Variants in ZNF263 observed in about 807,000 individuals in gnomAD.
ZNF263 encodes zinc finger protein FPM315.
ZNF263 carries 49 observed loss-of-function variants against 63.1 expected under a neutral mutation model. That is an observed-to-expected ratio of 0.78 (90% CI 0.62 to 0.99). ZNF263 has a LOEUF of 0.99. Among genes scored for constraint, ZNF263 ranks in the 50% least tolerant of loss-of-function variants. ZNF263 has a pLI of 0.00. For synonymous variants in ZNF263, 352 were observed against 324.2 expected (o/e 1.09, Z -0.92); for missense variants, 872 against 854.8 (o/e 1.02, Z -0.25).
chr16:3,287,803 T>G (rs950208334), intron 4 of ZNF263, among the ~76,000 whole-genome samples: 1 of 152,030 alleles, frequency 6.6e-6, no homozygotes, highest in Non-Finnish European at 1.5e-5. Flanking sequence ...CAAATTTAGT[T>G]CTATTTTGTA....
downstream of ZNF263, among the ~76,000 whole-genome samples, chr16:3,292,635 T>C (rs1959641359): frequency 6.6e-6 from 1 of 152,226 alleles, no homozygotes; most frequent in South Asian, 2.1e-4. Context: ...GCCCCTTCCA[T>C]CTACTCTCCC....
At chr16:3,299,834 A>G (rs1959883192) in intron 2 of ZNF263, 1 of 1,591,202 alleles carries the variant, frequency 6.3e-7, no homozygotes, top group Non-Finnish European at 8.5e-7. Context: ...TCTGAAAACA[A>G]TTCTCTGGTG....
intron 1 of ZNF263, among the ~76,000 whole-genome samples, chr16:3,296,524 AAAG>A (rs771615842): frequency 2.6e-5 from 4 of 152,196 alleles, no homozygotes; most frequent in Non-Finnish European, 5.9e-5. Flanking sequence ...AATCTTAAAA[AAAG>A]AAAAAGTCAA....
At position 3,283,792 on chromosome 16, in the gene ZNF263, G is replaced by C; in HGVS notation, c.-27G>C. 3 of 1,513,594 alleles carry C rather than the reference G, an allele frequency of 2.0e-6. No individual in the cohort carries two copies. The highest frequency in any genetic ancestry group is 2.5e-5 in the South Asian group (2 of 78,906). 93.8% of individuals were successfully genotyped at this position (1,513,594 alleles called of 1,614,324 possible). On this transcript the variant is annotated 5_prime_UTR_variant, in exon 1 of 6. Transcript: ENST00000219069. ...TTCGTAGGCGGGCACGGCTGGTTTC[G>C]GGCTAAGGCGCTCTGGAGACCTGAC...
intron 1 of ZNF263, among the ~76,000 whole-genome samples, chr16:3,297,905 C>T (rs1215124739): frequency 6.6e-6 from 1 of 152,112 alleles, no homozygotes; most frequent in Non-Finnish European, 1.5e-5. Context: ...ATAAAGATAC[C>T]ATTCTTTTGG....
In ZNF263 at chr16:3,300,006, C is replaced by G. The variant is rs981546305; in HGVS notation, c.*46+850C>G. On this transcript the variant is annotated intron_variant, in intron 2 of 2. Transcript: ENST00000574674. ...CAGACAACCTTTCTTTGTTTATTTT[C>G]TTCCCTGGTAGGCAGATATCTTTCC... 6.2e-7 allele frequency: 1 copy of G among 1,614,018 alleles called. No homozygotes were observed. Among genetic ancestry groups the G allele is most frequent in the Non-Finnish European group, 8.5e-7 (1 of 1,180,030 alleles).
intron 2 of ZNF263, 103 bp downstream of exon 2, chr16:3,285,342 A>C: frequency 7.6e-7 from 1 of 1,308,322 alleles, no homozygotes; most frequent in Non-Finnish European, 1.0e-6. Flanking sequence ...GGAATTTCTG[A>C]AGATCAGGTT....
At chr16:3,286,873 T>A (rs1260876634) in intron 4 of ZNF263, 2 of 152,188 alleles carry the variant, frequency 1.3e-5, no homozygotes, top group African/African-American at 4.8e-5. Context: ...GTTGGGGAAG[T>A]CTTAACATAA....
downstream of ZNF263, among the ~76,000 whole-genome samples, chr16:3,291,667 C>G (rs1056736326): frequency 6.6e-6 from 1 of 152,172 alleles, no homozygotes; most frequent in Admixed American, 6.5e-5. Context: ...AAGGGTCAAG[C>G]CAAATGGCTG....
intron 4 of ZNF263, among the ~76,000 whole-genome samples, chr16:3,287,197 G>C (rs528922407): frequency 9.2e-5 from 14 of 152,254 alleles, no homozygotes; most frequent in African/African-American, 3.1e-4. Context: ...TGCAACCTCT[G>C]CCTCCCGGGT....
Position 3,290,070 on chromosome 16 carries a change from G to T in ZNF263, c.1564G>T (p.Glu522Ter). 1 of 1,614,078 alleles carries T rather than the reference G, an allele frequency of 6.2e-7. No individual in the cohort carries two copies. The highest frequency in any genetic ancestry group is 8.5e-7 in the Non-Finnish European group (1 of 1,180,010). Residue 522 changes from glutamate (E) to a stop codon, truncating the protein, a stop_gained, in exon 6 of 6, where the codon GAG (glutamate) becomes TAG (stop). Transcript: ENST00000219069. LOFTEE classifies it high-confidence loss of function. ...TGGAGAGCGACCTTATAAGTGTCCC[G>T]AGTGTGGGAAAAGTTTCTCTCGGAG... ...HTGERPYKCP[E>*]CGKSFSRSSH...
chr16:3,287,235 A>G (rs765991), intron 4 of ZNF263, among the ~76,000 whole-genome samples: 49,358 of 151,804 alleles, frequency 0.33, 9,585 homozygotes, highest in African/African-American at 0.52. Context: ...CTCAGCCTCC[A>G]GAGTAGCTGG....
At chr16:3,295,465 C>G (rs1303415120), downstream of ZNF263, among the ~76,000 whole-genome samples, 1 of 152,230 alleles carries the variant, frequency 6.6e-6, no homozygotes, top group Admixed American at 6.5e-5. Flanking sequence ...CGCACAGCCG[C>G]AGGGGTTTCC....
chr16:3,297,696 C>T (rs2150778041), intron 1 of ZNF263, among the ~76,000 whole-genome samples: 1 of 151,952 alleles, frequency 6.6e-6, no homozygotes, highest in South Asian at 2.1e-4. Context: ...GATCTCCTGA[C>T]CTCGTGATCT....
rs1444385478 is a variant in ZNF263, at chr16:3,286,186, T to C, written c.769+37T>C. 4 of 1,556,160 alleles carry C rather than the reference T, an allele frequency of 2.6e-6. No homozygotes were observed. In the African/African-American group the frequency reaches 4.2e-5, roughly 16 times the overall value. ...TTTTCCAGGGATGATGACTGCGCCA[T>C]TTCTGACCAGGGTCCTGCCCGTTAT... On this transcript the variant is annotated intron_variant, in intron 4 of 5. Coordinates refer to ENST00000219069, the MANE Select transcript of ZNF263 (RefSeq NM_005741.5).
chr16:3,298,931 A>G, intron 1 of ZNF263: 1 of 946,424 alleles, frequency 1.1e-6, no homozygotes, highest in South Asian at 4.1e-5. Context: ...GCTGGCCTAC[A>G]TCATATAATG....
downstream of ZNF263, chr16:3,291,511 C>G: frequency 1.0e-6 from 1 of 984,606 alleles, no homozygotes; most frequent in Non-Finnish European, 1.2e-6. Context: ...GAGTGTTGAT[C>G]TGTCTCCCCT....
chr16:3,284,179 A>T lies in ZNF263; in HGVS notation c.361A>T (p.Arg121Ter), dbSNP rs772606679. Residue 121 changes from arginine (R) to a stop codon, truncating the protein, a stop_gained, in exon 1 of 6, where the codon AGA becomes TGA. Transcript: ENST00000219069. LOFTEE classifies it high-confidence loss of function. ...EAVTLVEDMQ[R>*]ELGRLRQQVT... ...GGTGACCCTTGTGGAGGATATGCAGAGAGAGCTTGGGAGACTGAGACAACA... is the reference window on the plus strand; with the variant it reads ...GGTGACCCTTGTGGAGGATATGCAGTGAGAGCTTGGGAGACTGAGACAACA... The T allele has an allele frequency of 6.4e-7, 1 of 1,563,024 alleles. No individual in the cohort carries two copies. The highest frequency in any genetic ancestry group is 1.9e-5 in the Admixed American group (1 of 53,270).
At chr16:3,300,669 G>A (rs1305425741) in intron 2 of ZNF263, 31 of 1,513,662 alleles carry the variant, frequency 2.0e-5, no homozygotes, top group Non-Finnish European at 2.6e-5. Flanking sequence ...AAGCCTTAAT[G>A]AATTGGCAAA....
Sources: gnomAD v4.1 joint callset for allele counts (sites outside exome capture counted in the v4.1 genomes callset) on GRCh38, gnomAD v4.1.1 for gene constraint, MANE v1.5 for transcripts, NCBI Gene and HGNC (gene_info 2026-07-23, HGNC 2026-07-21) for gene names.